CAPRIN1: variants seen among roughly 807,000 people sequenced by gnomAD.
The protein encoded by CAPRIN1 is cell cycle associated protein 1.
Under a neutral mutation model 100.9 loss-of-function variants are expected in CAPRIN1, and 29 were observed. The ratio of observed to expected loss-of-function variants is 0.29; its 90% CI spans 0.21 to 0.39. The LOEUF (loss-of-function observed/expected upper bound fraction) is 0.39. Ranked by LOEUF, CAPRIN1 falls within the 10% of genes least tolerant of loss-of-function variation. The pLI, the probability that CAPRIN1 is intolerant of heterozygous loss-of-function variation, is 1.00. For missense variants in CAPRIN1, 795 were observed against 876.7 expected, an observed-to-expected ratio of 0.91 and a Z score of 1.18; for synonymous variants, 338 against 307.5, an observed-to-expected ratio of 1.10 and a Z score of -1.04.
chr11:34,067,599 C>T (rs751435273), intron 2 of CAPRIN1, among the ~76,000 whole-genome samples: 1 of 151,728 alleles, frequency 6.6e-6, no homozygotes, highest in South Asian at 2.1e-4. Flanking sequence ...TCGTGATCAT[C>T]CTGTCTCAGC....
At chr11:34,070,535 C>T (rs907105066) in intron 2 of CAPRIN1, among the ~76,000 whole-genome samples, 3 of 152,080 alleles carry the variant, frequency 2.0e-5, no homozygotes, top group Non-Finnish European at 4.4e-5. Flanking sequence ...CCTGGGACTA[C>T]AGTCTCGTAC....
At position 34,076,336 on chromosome 11, in the gene CAPRIN1, T is replaced by C; in HGVS notation, c.467T>C (p.Leu156Ser). 6.2e-7 allele frequency: 1 copy of C among 1,614,232 alleles called. No homozygotes were observed. The highest frequency in any genetic ancestry group is 8.5e-7 in the Non-Finnish European group (1 of 1,180,028). ...ACTGTACTTGAGCTACAGTATGTTTTGGACAAATTGGGAGATGATGAAGTG... is the reference window on the plus strand; with the variant it reads ...ACTGTACTTGAGCTACAGTATGTTTCGGACAAATTGGGAGATGATGAAGTG... ...LKTVLELQYV[L>S]DKLGDDEVRT... is the part of the protein sequence containing the mutation. The change falls in exon 5 of 19, where the codon TTG becomes TCG. Residue 156 changes from leucine (L) to serine (S), a missense_variant. This residue lies in a region of CAPRIN1 where 648 missense variants were observed against 697.9 expected (regional missense o/e 0.93). Transcript: ENST00000341394.
In CAPRIN1 at chr11:34,086,217, C is replaced by T; in HGVS notation, c.1120C>T (p.Gln374Ter). ...AQMQGPYNFI[Q>*]DSMLDFENQT... ...AATGCAGGGTCCCTATAATTTCATACAGGTATGTTCATTTTAGTCAGACTC... is the reference window on the plus strand; with the variant it reads ...AATGCAGGGTCCCTATAATTTCATATAGGTATGTTCATTTTAGTCAGACTC... Residue 374 changes from glutamine (Q) to a stop codon, truncating the protein, a stop_gained and splice_region_variant, in exon 10 of 19, where the codon CAG (glutamine) becomes TAG (stop). Coordinates refer to ENST00000341394, the MANE Select transcript of CAPRIN1 (RefSeq NM_005898.5). LOFTEE classifies it high-confidence loss of function. 6.2e-7 allele frequency: 1 copy of T among 1,613,402 alleles called. No individual in the cohort carries two copies. The highest frequency in any genetic ancestry group is 8.5e-7 in the Non-Finnish European group (1 of 1,179,582).
Position 34,076,291 on chromosome 11 carries a change from C to A in CAPRIN1, c.422C>A (p.Ala141Asp). 1 of 1,614,148 alleles carries A rather than the reference C, an allele frequency of 6.2e-7. No individual in the cohort carries two copies. Among genetic ancestry groups the A allele is most frequent in the Non-Finnish European group, 8.5e-7 (1 of 1,180,010 alleles). The change falls in exon 5 of 19, where the codon GCT becomes GAT. Residue 141 changes from alanine (A) to aspartate (D), a missense_variant. Physicochemically the swap from Ala to Asp is moderately radical, Grantham distance 126 (BLOSUM62 -2). Coordinates refer to ENST00000341394, the MANE Select transcript of CAPRIN1 (RefSeq NM_005898.5). ...CGGGAGCAGCTTATGAGAGAAGAAG[C>A]TGAACAGAAACGTTTAAAAACTGTA... Reference protein sequence around the residue: ...ARREQLMREEAEQKRLKTVLE... With the variant: ...ARREQLMREEDEQKRLKTVLE...
At chr11:34,090,821 C>A in intron 14 of CAPRIN1, 143 bp downstream of exon 14, 1 of 691,130 alleles carries the variant, frequency 1.4e-6, no homozygotes, top group Non-Finnish European at 2.3e-6. Flanking sequence ...TGAACATAAA[C>A]TGATTATTCC....
chr11:34,088,859 A>ATTAT (rs1172805700), intron 11 of CAPRIN1, among the ~76,000 whole-genome samples: 17 of 152,208 alleles, frequency 1.1e-4, no homozygotes, highest in African/African-American at 4.1e-4. Context: ...TAAACTATTA[A>ATTAT]ATAATAACCA....
intron 14 of CAPRIN1, 29 bp from the exon 15 acceptor site, chr11:34,091,876 GA>G: frequency 1.3e-6 from 2 of 1,586,278 alleles, no homozygotes; most frequent in Non-Finnish European, 1.7e-6. Context: ...ATAAAAGGAT[GA>G]ACTAATCATT....
Position 34,076,649 on chromosome 11 carries a change from A to G in CAPRIN1, c.688+7A>G. The G allele has an allele frequency of 6.3e-7, 1 of 1,575,240 alleles. No individual in the cohort carries two copies. The highest frequency in any genetic ancestry group is 8.7e-7 in the Non-Finnish European group (1 of 1,146,586). ...CCTGTATGTGGAACCACCTGTGAGTATCACTGTGATAACTTTGATTTTATA... is the reference window on the plus strand; with the variant it reads ...CCTGTATGTGGAACCACCTGTGAGTGTCACTGTGATAACTTTGATTTTATA... On this transcript the variant is annotated splice_region_variant and intron_variant, in intron 6 of 18. Coordinates refer to ENST00000341394, the MANE Select transcript of CAPRIN1 (RefSeq NM_005898.5).
chr11:34,096,280 T>TA (rs1279277533), intron 15 of CAPRIN1, 199 bp from the exon 16 acceptor site: 5 of 450,998 alleles, frequency 1.1e-5, no homozygotes, highest in Admixed American at 4.1e-5. Context: ...TGGAGAATTT[T>TA]ACCCCCAATA....
chr11:34,096,486 C>T lies in CAPRIN1; in HGVS notation c.1713C>T (p.Gly571=). The change falls in exon 16 of 19, where the codon GGC becomes GGT. Residue 571 remains glycine (G), a synonymous_variant. Transcript: ENST00000341394. ...LQQEQLQTVV[G]TYHGSPDQSH... The stretch of plus-strand genomic sequence containing the variant: ...TTCTTTTTTAAATTATAGTGGTTGG[C>T]ACTTACCATGGTTCCCCAGACCAGT... 1 of 1,612,902 alleles carries T rather than the reference C, an allele frequency of 6.2e-7. No homozygotes were observed.
At chr11:34,077,965 T>C (rs928122306) in intron 6 of CAPRIN1, among the ~76,000 whole-genome samples, 1 of 152,186 alleles carries the variant, frequency 6.6e-6, no homozygotes, top group Non-Finnish European at 1.5e-5. Context: ...CTTCATCAGA[T>C]TTTCATGAGC....
At position 34,065,899 on chromosome 11, in the gene CAPRIN1, A is replaced by C. The variant is rs144376160; in HGVS notation, c.217-5827A>C. On this transcript the variant is annotated intron_variant, in intron 2 of 18. Coordinates refer to ENST00000341394, the MANE Select transcript of CAPRIN1 (RefSeq NM_005898.5). ...AGGATATTTATAATAGTAGTGTAGA[A>C]AATGTTAACAGCCATGGAAGAACAT... 1.1e-4 allele frequency among the ~76,000 whole-genome samples: 16 copies of C among 152,342 alleles called. No homozygotes were observed. In the East Asian group the frequency reaches 3.1e-3, roughly 29 times the overall value.
In CAPRIN1 at chr11:34,076,286, A is replaced by C; in HGVS notation, c.417A>C (p.Glu139Asp). Residue 139 changes from glutamate (E) to aspartate (D), a missense_variant, in exon 5 of 19, where the codon GAA (glutamate) becomes GAC (aspartate). This residue lies in a region of CAPRIN1 where 648 missense variants were observed against 697.9 expected (regional missense o/e 0.93). Coordinates refer to ENST00000341394, the MANE Select transcript of CAPRIN1 (RefSeq NM_005898.5). ...CACGTCGGGAGCAGCTTATGAGAGA[A>C]GAAGCTGAACAGAAACGTTTAAAAA... Reference protein sequence around the residue: ...KTARREQLMREEAEQKRLKTV... With the variant: ...KTARREQLMRDEAEQKRLKTV... 6.2e-7 allele frequency: 1 copy of C among 1,614,246 alleles called. No homozygotes were observed. Among genetic ancestry groups the C allele is most frequent in the Non-Finnish European group, 8.5e-7 (1 of 1,180,032 alleles).
chr11:34,092,867 A>G (rs913386019), intron 15 of CAPRIN1, among the ~76,000 whole-genome samples: 6 of 152,064 alleles, frequency 3.9e-5, no homozygotes, highest in Admixed American at 6.5e-5. Flanking sequence ...GCTTTTATGT[A>G]TTTGAGACAG....
chr11:34,062,952 G>T (rs971260977), intron 2 of CAPRIN1: 1 of 151,702 alleles, frequency 6.6e-6, no homozygotes, highest in African/African-American at 2.4e-5. Flanking sequence ...AGGGTTTTTT[G>T]GAGTTTATCA....
chr11:34,086,341 C>T lies in CAPRIN1; in HGVS notation c.1159C>T (p.Pro387Ser), dbSNP rs566066020. 1.3e-5 allele frequency: 21 copies of T among 1,613,926 alleles called. No individual in the cohort carries two copies. In the South Asian group the frequency reaches 1.9e-4, roughly 14 times the overall value. ...GGATTTTGAAAATCAGACACTTGATCCTGCCATTGTATCTGCACAGCCTAT... is the reference window on the plus strand; with the variant it reads ...GGATTTTGAAAATCAGACACTTGATTCTGCCATTGTATCTGCACAGCCTAT... ...MLDFENQTLD[P>S]AIVSAQPMNP... The change falls in exon 11 of 19, where the codon CCT becomes TCT. Residue 387 changes from proline to serine, a missense_variant. This residue lies in a region of CAPRIN1 where 648 missense variants were observed against 697.9 expected (regional missense o/e 0.93). Coordinates refer to ENST00000341394, the MANE Select transcript of CAPRIN1 (RefSeq NM_005898.5).
At chr11:34,094,343 A>C (rs1030521310) in intron 15 of CAPRIN1, among the ~76,000 whole-genome samples, 2 of 151,872 alleles carry the variant, frequency 1.3e-5, no homozygotes, top group African/African-American at 4.8e-5. Flanking sequence ...GGCGTGAGCC[A>C]CCATTCCCGG....
chr11:34,062,158 A>G (rs1850594020), intron 2 of CAPRIN1, among the ~76,000 whole-genome samples: 2 of 152,100 alleles, frequency 1.3e-5, no homozygotes, highest in Non-Finnish European at 2.9e-5. Context: ...TTTGCTTACT[A>G]TCTTTTTTGT....
chr11:34,094,210 C>G (rs1194736300), intron 15 of CAPRIN1, among the ~76,000 whole-genome samples: 1 of 152,020 alleles, frequency 6.6e-6, no homozygotes, highest in Non-Finnish European at 1.5e-5. Context: ...GCAGTCTCGG[C>G]TCACTGCAAC....
Sources: allele counts gnomAD v4.1 joint callset (sites outside exome capture counted in the v4.1 genomes callset), GRCh38; gene constraint gnomAD v4.1.1; regional missense constraint gnomAD v4.1.1; transcripts MANE v1.5; gene names NCBI Gene and HGNC (gene_info 2026-07-23, HGNC 2026-07-21).